Variants in ABCB1 observed in about 807,000 individuals in gnomAD.
ABCB1 encodes the protein ATP binding cassette subfamily B member 1, also known as ATP-dependent translocase ABCB1.
ABCB1 carries 69 observed loss-of-function variants against 142.0 expected under a neutral mutation model. The ratio of observed to expected loss-of-function variants is 0.49; its 90% CI spans 0.40 to 0.59. ABCB1 has a LOEUF of 0.59. ABCB1 is among the 20% of genes least tolerant of loss of function. The pLI is 0.00. For missense variants in ABCB1, 1,326 were observed against 1,554.7 expected, an observed-to-expected ratio of 0.85 and a Z score of 2.47; for synonymous variants, 532 against 539.2, an observed-to-expected ratio of 0.99 and a Z score of 0.18.
At chr7:87,711,074 C>G (rs1234245650) in intron 1 of ABCB1, among the ~76,000 whole-genome samples, 3 of 152,022 alleles carry the variant, frequency 2.0e-5, no homozygotes, top group Non-Finnish European at 4.4e-5. Context: ...CACCTATAAT[C>G]CCAGCACTTT....
intron 1 of ABCB1, among the ~76,000 whole-genome samples, chr7:87,659,692 A>C (rs1004205876): frequency 1.3e-5 from 2 of 152,158 alleles, no homozygotes; most frequent in Non-Finnish European, 2.9e-5. Flanking sequence ...GGGGTATAAG[A>C]GGTAAAAAGA....
At chr7:87,697,371 A>G (rs777268574) in intron 1 of ABCB1, among the ~76,000 whole-genome samples, 1 of 152,122 alleles carries the variant, frequency 6.6e-6, no homozygotes, top group Admixed American at 6.6e-5. Flanking sequence ...GTAGTACTTC[A>G]TTTCTTGAGG....
chr7:87,548,081 G>A (rs1366565353), intron 14 of ABCB1, among the ~76,000 whole-genome samples: 1 of 139,590 alleles, frequency 7.2e-6, no homozygotes, highest in African/African-American at 2.6e-5. Context: ...GAGAAGAGAA[G>A]AGAAAAAAGA....
chr7:87,553,236 T>A (rs1445476363), intron 9 of ABCB1, among the ~76,000 whole-genome samples: 1 of 151,444 alleles, frequency 6.6e-6, no homozygotes, highest in African/African-American at 2.4e-5. Context: ...GGCTACAGGA[T>A]AAATTGTGCA....
At chr7:87,524,731 A>G (rs891577304) in intron 21 of ABCB1, among the ~76,000 whole-genome samples, 1 of 152,126 alleles carries the variant, frequency 6.6e-6, no homozygotes, top group African/African-American at 2.4e-5. Flanking sequence ...AACTTAAAGT[A>G]TAATAAAAAT....
intron 3 of ABCB1, among the ~76,000 whole-genome samples, chr7:87,589,798 A>AGAGAGAG (rs1818910407): frequency 7.2e-6 from 1 of 138,294 alleles, no homozygotes; most frequent in Admixed American, 7.1e-5. Flanking sequence ...AAAGAGAGAG[A>AGAGAGAG]GAGAGAGGAG....
At chr7:87,600,094 T>C in intron 2 of ABCB1, 23 bp downstream of exon 2, 7 of 1,598,450 alleles carry the variant, frequency 4.4e-6, no homozygotes, top group Non-Finnish European at 6.0e-6. Context: ...ATGTAAACTA[T>C]GAAAATGAAA....
Position 87,598,554 on chromosome 7 carries a change from G to C in ABCB1, c.68+1563C>G, listed in dbSNP as rs1021258723. On this transcript the variant is annotated intron_variant, in intron 2 of 27. Transcript: ENST00000622132. ...TACAACATTTTTCTGATAGTTTAGA[G>C]TTCATTGACAATCCTTGCCTGAATC... is the stretch of plus-strand genomic sequence containing the variant. Among the ~76,000 whole-genome samples, 15 of 152,168 alleles carry C rather than the reference G, an allele frequency of 9.9e-5. No homozygotes were observed. In the South Asian group the frequency reaches 1.4e-3, roughly 15 times the overall value.
At chr7:87,547,407 A>G (rs1816830795) in intron 14 of ABCB1, among the ~76,000 whole-genome samples, 1 of 152,216 alleles carries the variant, frequency 6.6e-6, no homozygotes, top group South Asian at 2.1e-4. Flanking sequence ...TTTAATACAT[A>G]GTTTCACTAT....
At chr7:87,607,986 A>T (rs577601982) in intron 1 of ABCB1, among the ~76,000 whole-genome samples, 1 of 152,182 alleles carries the variant, frequency 6.6e-6, no homozygotes, top group East Asian at 1.9e-4. Context: ...CAAAGTCAAT[A>T]CCCAAGGAAG....
intron 21 of ABCB1, among the ~76,000 whole-genome samples, chr7:87,529,692 C>T (rs892747244): frequency 3.9e-5 from 6 of 152,212 alleles, no homozygotes; most frequent in African/African-American, 1.2e-4. Flanking sequence ...ATTTCAAATA[C>T]CTCATTAAAT....
intron 19 of ABCB1, among the ~76,000 whole-genome samples, chr7:87,537,250 A>G (rs1196550907): frequency 1.3e-5 from 2 of 152,060 alleles, no homozygotes; most frequent in Admixed American, 1.3e-4. Flanking sequence ...AGGAGATGAG[A>G]TTTGAGAGAG....
chr7:87,526,696 C>T (rs553209759), intron 21 of ABCB1, among the ~76,000 whole-genome samples: 1 of 152,248 alleles, frequency 6.6e-6, no homozygotes, highest in Admixed American at 6.5e-5. Context: ...CCGTTACTGT[C>T]TAAGTACTTT....
At chr7:87,591,516 G>A (rs1818999344) in intron 3 of ABCB1, among the ~76,000 whole-genome samples, 1 of 152,128 alleles carries the variant, frequency 6.6e-6, no homozygotes, top group Admixed American at 6.5e-5. Flanking sequence ...CAGACAATAA[G>A]CCCAAGATCC....
intron 21 of ABCB1, 85 bp downstream of exon 21, chr7:87,531,209 T>C (rs890961149): frequency 8.1e-5 from 92 of 1,129,656 alleles, no homozygotes; most frequent in Middle Eastern, 5.0e-4. Context: ...TCTTAGAGCA[T>C]AGTAAGCAGT....
intron 1 of ABCB1, among the ~76,000 whole-genome samples, chr7:87,645,442 G>T (rs1443473016): frequency 6.6e-6 from 1 of 152,048 alleles, no homozygotes; most frequent in Non-Finnish European, 1.5e-5. Flanking sequence ...GTGGGAAAGA[G>T]AATCTTTTTA....
chr7:87,505,607 T>C (rs1476484830), intron 27 of ABCB1, among the ~76,000 whole-genome samples: 2 of 152,230 alleles, frequency 1.3e-5, no homozygotes, highest in East Asian at 1.9e-4. Context: ...TTATGGTTGC[T>C]GAAGAGATGC....
At chr7:87,541,334 A>C (rs1300856964) in intron 18 of ABCB1, 23 bp downstream of exon 18, 1 of 1,381,202 alleles carries the variant, frequency 7.2e-7, no homozygotes, top group South Asian at 1.2e-5. Flanking sequence ...CAAAATGAAT[A>C]TAGTGAAAAT....
At chr7:87,529,797 AC>A (rs1162740113) in intron 21 of ABCB1, among the ~76,000 whole-genome samples, 3 of 152,104 alleles carry the variant, frequency 2.0e-5, no homozygotes, top group African/African-American at 7.2e-5. Context: ...CATGGGGGAG[AC>A]CCCCAAAGTA....
Sources: allele counts gnomAD v4.1 joint callset (sites outside exome capture counted in the v4.1 genomes callset), GRCh38; gene constraint gnomAD v4.1.1; transcripts MANE v1.5; gene names NCBI Gene and HGNC (gene_info 2026-07-23, HGNC 2026-07-21).